FAM83B: variants seen among roughly 807,000 people sequenced by gnomAD.
FAM83B encodes scaffolding CK1 anchoring protein B, also known as protein FAM83B.
FAM83B carries 26 observed loss-of-function variants against 38.8 expected under a neutral mutation model. That is an observed-to-expected ratio of 0.67 (90% CI 0.49 to 0.93). FAM83B has a LOEUF of 0.93. FAM83B is among the 40% of genes least tolerant of loss of function. The pLI, the probability that FAM83B is intolerant of heterozygous loss-of-function variation, is 0.00. For missense variants in FAM83B, 1,237 were observed against 1,197.3 expected, an observed-to-expected ratio of 1.03 and a Z score of -0.49; for synonymous variants, 419 against 423.1, an observed-to-expected ratio of 0.99 and a Z score of 0.12.
At chr6:54,916,180 T>A (rs889280932) in intron 2 of FAM83B, among the ~76,000 whole-genome samples, 1 of 152,178 alleles carries the variant, frequency 6.6e-6, no homozygotes, top group Non-Finnish European at 1.5e-5. Context: ...TCATGCACTA[T>A]TTTACAATTT....
At chr6:54,933,060 CT>C (rs1773457824) in intron 4 of FAM83B, among the ~76,000 whole-genome samples, 1 of 151,988 alleles carries the variant, frequency 6.6e-6, no homozygotes, top group Non-Finnish European at 1.5e-5. Context: ...TGCCTCTCCT[CT>C]TTCTGAGCTT....
chr6:54,864,463 G>A (rs562080398), intron 1 of FAM83B, among the ~76,000 whole-genome samples: 1 of 152,132 alleles, frequency 6.6e-6, no homozygotes, highest in South Asian at 2.1e-4. Flanking sequence ...AGTGCGTCAT[G>A]TATTTATACT....
At chr6:54,926,648 C>A in intron 3 of FAM83B, 113 bp downstream of exon 3, 1 of 764,026 alleles carries the variant, frequency 1.3e-6, no homozygotes, top group Non-Finnish European at 2.0e-6. Flanking sequence ...AAAAAAAATA[C>A]GTATTTAAGG....
At chr6:54,932,844 C>T (rs976549383) in intron 4 of FAM83B, among the ~76,000 whole-genome samples, 1 of 152,106 alleles carries the variant, frequency 6.6e-6, no homozygotes, top group Admixed American at 6.6e-5. Flanking sequence ...ATGGAAGCTC[C>T]CTTGTATGTG....
Position 54,846,779 on chromosome 6 carries a change from G to C in FAM83B, c.-108G>C, listed in dbSNP as rs889792494. 9.2e-5 allele frequency: 14 copies of C among 152,280 alleles called. No homozygotes were observed. The highest frequency in any genetic ancestry group is 1.8e-4 in the Non-Finnish European group (12 of 68,112). The allele number at this position is 152,280 out of a possible 1,614,324, so 9.4% of individuals were successfully genotyped here. A position where few individuals can be genotyped will look rare whatever the true frequency, so the allele number is the denominator to read the frequency against. On this transcript the variant is annotated 5_prime_UTR_variant, in exon 1 of 5. Transcript: ENST00000306858. Reference sequence around the variant, plus strand: ...GCTGCTTCCTGGGAGGCAAACCTTCGGCGGCCGGCGCTGTGCGGCGGGCGC... The same window carrying C: ...GCTGCTTCCTGGGAGGCAAACCTTCCGCGGCCGGCGCTGTGCGGCGGGCGC...
chr6:54,933,842 A>G (rs548552911), intron 4 of FAM83B, among the ~76,000 whole-genome samples: 2 of 152,256 alleles, frequency 1.3e-5, no homozygotes, highest in South Asian at 4.1e-4. Flanking sequence ...TGCACTGAAG[A>G]CAAGCCAGAA....
chr6:54,860,365 T>A (rs1180875297), intron 1 of FAM83B, among the ~76,000 whole-genome samples: 1 of 152,200 alleles, frequency 6.6e-6, no homozygotes, highest in African/African-American at 2.4e-5. Context: ...ACTTCCTCTA[T>A]ACTCCTATAC....
At chr6:54,896,599 C>T (rs965031664) in intron 2 of FAM83B, among the ~76,000 whole-genome samples, 1 of 152,230 alleles carries the variant, frequency 6.6e-6, no homozygotes, top group Admixed American at 6.5e-5. Context: ...TGTTAAGAAG[C>T]GTACAAAAGA....
At chr6:54,864,936 TTAA>T (rs1264503825) in intron 1 of FAM83B, among the ~76,000 whole-genome samples, 1 of 152,246 alleles carries the variant, frequency 6.6e-6, no homozygotes, top group Non-Finnish European at 1.5e-5. Flanking sequence ...AAAGTATTTC[TTAA>T]TAAAATTGCT....
chr6:54,878,212 A>G (rs977574547), intron 2 of FAM83B, among the ~76,000 whole-genome samples: 10 of 152,196 alleles, frequency 6.6e-5, no homozygotes, highest in African/African-American at 2.4e-4. Context: ...GGTTAAAGGT[A>G]TTGCAGGCCA....
intron 1 of FAM83B, among the ~76,000 whole-genome samples, chr6:54,863,464 A>G (rs1302852899): frequency 6.6e-6 from 1 of 152,200 alleles, no homozygotes; most frequent in Non-Finnish European, 1.5e-5. Flanking sequence ...AGGCCCTTAA[A>G]TAACATGACT....
At chr6:54,852,455 A>G (rs902454596) in intron 1 of FAM83B, among the ~76,000 whole-genome samples, 2 of 152,148 alleles carry the variant, frequency 1.3e-5, no homozygotes, top group African/African-American at 2.4e-5. Context: ...AACTTAATCT[A>G]TAAATGTTGT....
intron 1 of FAM83B, among the ~76,000 whole-genome samples, chr6:54,865,520 A>T (rs1450584805): frequency 2.0e-5 from 3 of 152,136 alleles, no homozygotes; most frequent in Non-Finnish European, 4.4e-5. Flanking sequence ...CTGTTGGAGG[A>T]TGTAGTGCAA....
chr6:54,883,699 A>T lies in FAM83B; in HGVS notation c.444+13009A>T, dbSNP rs142001508. ...TTTGAAATAATTTTTTATGCTGTGT[A>T]TGAATTATTTGTCAGACACATGTTG... On this transcript the variant is annotated intron_variant, in intron 2 of 4. Transcript: ENST00000306858. 5.5e-4 allele frequency among the ~76,000 whole-genome samples: 83 copies of T among 151,394 alleles called. 2 individuals are homozygous for T. In the East Asian group the frequency reaches 0.014, roughly 26 times the overall value.
At chr6:54,935,365 A>G (rs938606206) in intron 4 of FAM83B, among the ~76,000 whole-genome samples, 1 of 152,134 alleles carries the variant, frequency 6.6e-6, no homozygotes, top group East Asian at 1.9e-4. Context: ...AAATGAAATC[A>G]GGGGAATATG....
At chr6:54,846,460 C>T (rs1293289379), upstream of FAM83B, among the ~76,000 whole-genome samples, 3 of 152,180 alleles carry the variant, frequency 2.0e-5, no homozygotes, top group Non-Finnish European at 2.9e-5. Context: ...AGCAGGGTGT[C>T]GGGACTTGTA....
intron 1 of FAM83B, among the ~76,000 whole-genome samples, chr6:54,863,346 T>C (rs2127573655): frequency 6.6e-6 from 1 of 152,352 alleles, no homozygotes; most frequent in East Asian, 1.9e-4. Context: ...TAGCAGTTTT[T>C]ATGGCACATG....
intron 1 of FAM83B, among the ~76,000 whole-genome samples, chr6:54,868,296 T>G (rs1260395311): frequency 1.3e-5 from 2 of 152,144 alleles, no homozygotes; most frequent in Non-Finnish European, 2.9e-5. Flanking sequence ...ATCCTGGGTC[T>G]CTAATCATTA....
chr6:54,861,074 G>A (rs1771571415), intron 1 of FAM83B, among the ~76,000 whole-genome samples: 1 of 152,096 alleles, frequency 6.6e-6, no homozygotes, highest in Admixed American at 6.6e-5. Context: ...GCCCGGCCAT[G>A]GGTTTATGTT....
Sources: gnomAD v4.1 joint callset for allele counts (sites outside exome capture counted in the v4.1 genomes callset) on GRCh38, gnomAD v4.1.1 for gene constraint, MANE v1.5 for transcripts, NCBI Gene and HGNC (gene_info 2026-07-23, HGNC 2026-07-21) for gene names.